PCDHGA1: variants seen among roughly 807,000 people sequenced by gnomAD.
PCDHGA1 encodes protocadherin gamma subfamily A, 1.
Under a neutral mutation model 58.0 loss-of-function variants are expected in PCDHGA1, and 32 were observed. The ratio of observed to expected loss-of-function variants is 0.55; its 90% CI spans 0.42 to 0.74. The LOEUF is 0.74. Ranked by LOEUF, PCDHGA1 falls within the 30% of genes least tolerant of loss-of-function variation. PCDHGA1 has a pLI of 0.00. For missense variants in PCDHGA1, 1,205 were observed against 1,182.3 expected (o/e 1.02, Z -0.28); for synonymous variants, 498 against 501.1 (o/e 0.99, Z 0.08).
rs748394772 is a variant in PCDHGA1 at position 141,362,014 on chromosome 5, C to T, written c.2421+28909C>T. 3.1e-6 allele frequency: 5 copies of T among 1,605,936 alleles called. No individual in the cohort carries two copies. The East Asian group carries it at 6.7e-5, about 22-fold the overall frequency. Reference sequence around the variant, plus strand: ...CCTGGGGTTGCGCACGGGTGAGGTGCGCACAGCGCGTGCCTTGGGCGACAG... The same window carrying T: ...CCTGGGGTTGCGCACGGGTGAGGTGTGCACAGCGCGTGCCTTGGGCGACAG... On this transcript the variant is annotated intron_variant, in intron 1 of 3. Coordinates refer to ENST00000517417, the MANE Select transcript of PCDHGA1 (RefSeq NM_018912.3).
intron 1 of PCDHGA1, chr5:141,361,923 A>G (rs1762237619): frequency 6.2e-7 from 1 of 1,607,688 alleles, no homozygotes; most frequent in African/African-American, 1.3e-5. Context: ...CGGTGGACGC[A>G]GACTCAGGAC....
rs70988800 is a variant in PCDHGA1, at chr5:141,379,889, C to CTT, written c.2421+46813_2421+46814dup. On this transcript the variant is annotated intron_variant, in intron 1 of 3. Transcript: ENST00000517417. ...CTTATTTTATGGTCTGTGAAAGCCT[C>CTT]TTTTTTTTTTTTTTTTTTTTTTTTT... Among the ~76,000 whole-genome samples the CTT allele has an allele frequency of 2.1e-3, 106 of 50,824 alleles. 11 individuals carry two copies. Among genetic ancestry groups the CTT allele is most frequent in the East Asian group, 2.5e-3 (4 of 1,606 alleles). 33.3% of individuals were successfully genotyped at this position (50,824 alleles called of 152,430 possible).
At chr5:141,463,629 GTT>G (rs923584581) in intron 1 of PCDHGA1, among the ~76,000 whole-genome samples, 5 of 151,314 alleles carry the variant, frequency 3.3e-5, no homozygotes, top group Middle Eastern at 3.4e-3. Flanking sequence ...TTTGTATTTT[GTT>G]TAGTAGAGAC....
At chr5:141,355,344 C>A (rs1350319384) in intron 1 of PCDHGA1, 3 of 1,613,926 alleles carry the variant, frequency 1.9e-6, no homozygotes, top group African/African-American at 1.3e-5. Flanking sequence ...TGGGCAACAT[C>A]GCCAAGGACC....
intron 1 of PCDHGA1, among the ~76,000 whole-genome samples, chr5:141,401,290 C>T (rs1460193254): frequency 6.6e-6 from 1 of 151,710 alleles, no homozygotes; most frequent in Non-Finnish European, 1.5e-5. Flanking sequence ...TGCGGTGAGC[C>T]GAGATCACTC....
Position 141,332,504 on chromosome 5 carries a change from G to A in PCDHGA1, c.1820G>A (p.Arg607His), listed in dbSNP as rs967503819. 7 of 1,612,852 alleles carry A rather than the reference G, an allele frequency of 4.3e-6. No homozygotes were observed. The highest frequency in any genetic ancestry group is 1.8e-4 in the Middle Eastern group (1 of 5,460). ...GGCCAGAACGCCTGGCTGTCCTACC[G>A]CCTGCTCAAGGCCAGCGAGCCGGGA... ...DSGQNAWLSY[R>H]LLKASEPGLF... is the part of the protein sequence containing the mutation. Residue 607 changes from arginine (R) to histidine (H), a missense_variant, in exon 1 of 4, where the codon CGC (arginine) becomes CAC (histidine). Coordinates refer to ENST00000517417, the MANE Select transcript of PCDHGA1 (RefSeq NM_018912.3). This position sits in a 1 kb window ranked among gnomAD's most constrained non-coding sequence, Gnocchi z 4.6.
chr5:141,450,823 A>AT (rs1453980247), intron 1 of PCDHGA1, among the ~76,000 whole-genome samples: 4 of 133,078 alleles, frequency 3.0e-5, no homozygotes, highest in African/African-American at 1.2e-4. Context: ...TAATATTATT[A>AT]TTATTATTTT....
intron 1 of PCDHGA1, chr5:141,402,822 C>G (rs1038768509): frequency 7.7e-7 from 1 of 1,302,260 alleles, no homozygotes; most frequent in African/African-American, 1.5e-5. Flanking sequence ...CAAACCTGCT[C>G]CCAGGCTGCA....
intron 1 of PCDHGA1, chr5:141,366,943 A>T (rs1481461689): frequency 1.3e-6 from 1 of 775,624 alleles, no homozygotes; most frequent in Non-Finnish European, 2.0e-6. Context: ...AGTCTAGCTG[A>T]TATCTGTAGA....
intron 1 of PCDHGA1, chr5:141,424,569 C>A (rs1436039976): frequency 6.6e-6 from 1 of 151,996 alleles, no homozygotes; most frequent in African/African-American, 2.4e-5. Flanking sequence ...TCTCAAAAAC[C>A]TATTTTCAAA....
At chr5:141,409,200 T>A in intron 1 of PCDHGA1, 1 of 1,614,020 alleles carries the variant, frequency 6.2e-7, no homozygotes, top group Non-Finnish European at 8.5e-7. Flanking sequence ...CAGTGTAAAG[T>A]AATCATAGAA....
At chr5:141,417,950 GAGCCGATCCGCT>G (rs1361985861) in intron 1 of PCDHGA1, 1 of 1,613,484 alleles carries the variant, frequency 6.2e-7, no homozygotes, top group African/African-American at 1.3e-5. Context: ...CACGCTGTGT[GAGCCGATCCGCT>G]ACTCGATTCC....
rs762200805 is a variant in PCDHGA1 at position 141,423,045 on chromosome 5, C to T, written c.2422-71762C>T. 8 of 1,614,210 alleles carry T rather than the reference C, an allele frequency of 5.0e-6. No homozygotes were observed. The East Asian group carries it at 1.8e-4, about 36-fold the overall frequency. ...ATTCAGGCCAGAACGCCTGGCTGTCCTATCGCCTGCTTAAGGCCAGCGAGC... is the reference window on the plus strand; with the variant it reads ...ATTCAGGCCAGAACGCCTGGCTGTCTTATCGCCTGCTTAAGGCCAGCGAGC... On this transcript the variant is annotated intron_variant, in intron 1 of 3. Transcript: ENST00000517417.
At chr5:141,336,963 G>A (rs745472479) in intron 1 of PCDHGA1, among the ~76,000 whole-genome samples, 1 of 152,156 alleles carries the variant, frequency 6.6e-6, no homozygotes, top group Non-Finnish European at 1.5e-5. Flanking sequence ...GTTAAAATGA[G>A]CAAAGGACTT....
At chr5:141,421,173 C>A in intron 1 of PCDHGA1, 2 of 1,377,172 alleles carry the variant, frequency 1.5e-6, no homozygotes, top group Non-Finnish European at 9.7e-7. Context: ...GATACATAAG[C>A]CGATTCACAA....
At chr5:141,398,071 G>C in intron 1 of PCDHGA1, 1 of 1,587,000 alleles carries the variant, frequency 6.3e-7, no homozygotes, top group South Asian at 1.1e-5. Context: ...ACAATACAGA[G>C]GTTATTTGTA....
At chr5:141,400,302 T>A (rs7701363) in intron 1 of PCDHGA1, 1 of 1,614,082 alleles carries the variant, frequency 6.2e-7, no homozygotes, top group African/African-American at 1.3e-5. Context: ...GCTTCCAACC[T>A]GGTCTCTGTG....
chr5:141,487,006 G>A lies in PCDHGA1; in HGVS notation c.2422-7801G>A. ...ATGCTTGGGTTTCCTATCAGCTCCT[G>A]GAGGCCCCAGATCCCAGCCTGTTTG... On this transcript the variant is annotated intron_variant, in intron 1 of 3. Transcript: ENST00000517417. This position sits in a 1 kb window ranked among gnomAD's most constrained non-coding sequence, Gnocchi z 5.0. 1 of 1,614,206 alleles carries A rather than the reference G, an allele frequency of 6.2e-7. No homozygotes were observed. The highest frequency in any genetic ancestry group is 8.5e-7 in the Non-Finnish European group (1 of 1,180,042).
intron 1 of PCDHGA1, chr5:141,350,338 C>T: frequency 1.3e-6 from 2 of 1,541,542 alleles, no homozygotes; most frequent in Non-Finnish European, 1.7e-6. Flanking sequence ...TCTGCGGGGC[C>T]ATCTCCCAGC....
Sources: allele counts gnomAD v4.1 joint callset (sites outside exome capture counted in the v4.1 genomes callset), GRCh38; gene constraint gnomAD v4.1.1; non-coding constraint Gnocchi (gnomAD v3.1); transcripts MANE v1.5; gene names NCBI Gene and HGNC (gene_info 2026-07-23, HGNC 2026-07-21).